CMYA5: variants seen among roughly 807,000 people sequenced by gnomAD.
CMYA5 encodes cardiomyopathy associated 5.
CMYA5 carries 246 observed loss-of-function variants against 318.9 expected under a neutral mutation model. The ratio of observed to expected loss-of-function variants is 0.77; its 90% confidence interval spans 0.70 to 0.86. The LOEUF (loss-of-function observed/expected upper bound fraction) is 0.86, where lower values mean the gene tolerates loss of function less well. Among genes scored for constraint, CMYA5 ranks in the 40% least tolerant of loss-of-function variants. The pLI, the probability that CMYA5 is intolerant of heterozygous loss-of-function variation, is 0.00. For synonymous variants in CMYA5, 1,641 were observed against 1,729.5 expected (o/e 0.95, Z 1.27); for missense variants, 4,589 against 4,678.2 (o/e 0.98, Z 0.56).
intron 9 of CMYA5, among the ~76,000 whole-genome samples, chr5:79,776,832 A>G (rs1413589949): frequency 6.7e-6 from 1 of 149,640 alleles, no homozygotes; most frequent in Non-Finnish European, 1.5e-5. Flanking sequence ...CAGTGACGAC[A>G]CTAACTGTAG....
chr5:79,786,024 C>A (rs138312769), intron 9 of CMYA5, among the ~76,000 whole-genome samples: 138 of 152,332 alleles, frequency 9.1e-4, no homozygotes, highest in African/African-American at 3.2e-3. Flanking sequence ...AAGAGACCAT[C>A]TCTCATTCGC....
At chr5:79,772,092 A>G (rs144897505) in intron 9 of CMYA5, among the ~76,000 whole-genome samples, 19 of 152,208 alleles carry the variant, frequency 1.2e-4, no homozygotes, top group African/African-American at 4.6e-4. Flanking sequence ...TGCGAAAGCC[A>G]GAGAAACCAA....
Position 79,774,691 on chromosome 5 carries a change from G to T in CMYA5, c.11555+11482G>T, listed in dbSNP as rs547868996. Among the ~76,000 whole-genome samples the T allele has an allele frequency of 2.6e-5, 4 of 152,288 alleles. No homozygotes were observed. In the South Asian group the frequency reaches 8.3e-4, roughly 32 times the overall value. Reference sequence around the variant, plus strand: ...CAGGGCAAGCATTTCCAGGGAGTTGGGCTCAGGGTGCTGGGCCTGTGAGCT... The same window carrying T: ...CAGGGCAAGCATTTCCAGGGAGTTGTGCTCAGGGTGCTGGGCCTGTGAGCT... On this transcript the variant is annotated intron_variant, in intron 9 of 12. Coordinates refer to ENST00000446378, the MANE Select transcript of CMYA5 (RefSeq NM_153610.5).
In CMYA5 at chr5:79,746,084, A is replaced by C. The variant is rs141140609; in HGVS notation, c.10968+629A>C. Among the ~76,000 whole-genome samples, 75 of 152,264 alleles carry C rather than the reference A, an allele frequency of 4.9e-4. No individual in the cohort carries two copies. In the East Asian group the frequency reaches 0.014, roughly 29 times the overall value. ...CAGAGACACCTCTGTGCTCCCTGCA[A>C]TTCCCTAGAATATTCAGTGAGATGC... On this transcript the variant is annotated intron_variant, in intron 4 of 12. Transcript: ENST00000446378.
In CMYA5 at chr5:79,752,753, A is replaced by C; in HGVS notation, c.11069A>C (p.Asp3690Ala). The change falls in exon 6 of 13, where the codon GAC becomes GCC. Residue 3690 changes from aspartate to alanine, a missense_variant. Physicochemically the swap from Asp to Ala is moderately radical, Grantham distance 126. Around this residue, in one of 3 missense-constraint regions of CMYA5, gnomAD observed 2,431 missense variants for 2,495.1 expected, o/e 0.97. Coordinates refer to ENST00000446378, the MANE Select transcript of CMYA5 (RefSeq NM_153610.5). ...AAFSLFEHYD[D>A]SSARSDQMLK... ...TTTTCCCTTTTCGAACATTATGATG[A>C]CAGCTCGGCAAGAAGTGACCAGATG... 1 of 1,613,756 alleles carries C rather than the reference A, an allele frequency of 6.2e-7. No individual in the cohort carries two copies. The highest frequency in any genetic ancestry group is 8.5e-7 in the Non-Finnish European group (1 of 1,179,690).
intron 9 of CMYA5, chr5:79,774,344 CCTT>C (rs1309267480): frequency 2.0e-5 from 3 of 152,218 alleles, no homozygotes; most frequent in Non-Finnish European, 4.4e-5. Context: ...CTCCTACTCA[CCTT>C]CTTCCTGTTT....
At chr5:79,784,872 C>T (rs1285194527) in intron 9 of CMYA5, among the ~76,000 whole-genome samples, 3 of 151,768 alleles carry the variant, frequency 2.0e-5, no homozygotes, top group African/African-American at 2.4e-5. Context: ...AGAAATCACC[C>T]GTCTTCTGCG....
At chr5:79,728,733 C>T (rs910869458) in intron 1 of CMYA5, among the ~76,000 whole-genome samples, 182 bp from the exon 2 acceptor site, 1 of 151,974 alleles carries the variant, frequency 6.6e-6, no homozygotes, top group Admixed American at 6.6e-5. Context: ...TATTGGGTAT[C>T]CTGACTTTGG....
At chr5:79,722,969 C>T (rs886269396) in intron 1 of CMYA5, among the ~76,000 whole-genome samples, 1 of 152,066 alleles carries the variant, frequency 6.6e-6, no homozygotes, top group Non-Finnish European at 1.5e-5. Context: ...AAAAACCTTA[C>T]CACGAAAAGG....
At chr5:79,790,396 A>T (rs1173622663) in intron 10 of CMYA5, among the ~76,000 whole-genome samples, 2 of 151,918 alleles carry the variant, frequency 1.3e-5, no homozygotes, top group Non-Finnish European at 2.9e-5. Context: ...CAGCCTCCTG[A>T]GTAGCTGGGA....
At position 79,785,053 on chromosome 5, in the gene CMYA5, C is replaced by A. The variant is rs554374386; in HGVS notation, c.11556-3918C>A. Among the ~76,000 whole-genome samples, 8 of 150,780 alleles carry A rather than the reference C, an allele frequency of 5.3e-5. 1 individual carries two copies. The South Asian group carries it at 1.5e-3, about 28-fold the overall frequency. The stretch of plus-strand genomic sequence containing the variant: ...TTTTTTAGTATGGCTATCTAGCTGT[C>A]CCATCAGGAAAACCCATCATTTTCC... On this transcript the variant is annotated intron_variant, in intron 9 of 12. Coordinates refer to ENST00000446378, the MANE Select transcript of CMYA5 (RefSeq NM_153610.5).
rs193031541 is a variant in CMYA5, at chr5:79,757,132, T to C, written c.11111-1621T>C. On this transcript the variant is annotated intron_variant, in intron 6 of 12. Transcript: ENST00000446378. Reference sequence around the variant, plus strand: ...ATTGATTGAACCCAGGAGGTGGAGGTTGCAGTGAGCTGAGATTGCACCACT... The same window carrying C: ...ATTGATTGAACCCAGGAGGTGGAGGCTGCAGTGAGCTGAGATTGCACCACT... Among the ~76,000 whole-genome samples the C allele has an allele frequency of 6.7e-3, 1,013 of 150,614 alleles. 4 individuals are homozygous for C. Among genetic ancestry groups the C allele is most frequent in the Middle Eastern group, 0.014 (4 of 294 alleles).
intron 9 of CMYA5, among the ~76,000 whole-genome samples, chr5:79,764,836 G>T (rs182759034): frequency 5.0e-4 from 76 of 151,648 alleles, no homozygotes; most frequent in Non-Finnish European, 9.3e-4. Context: ...TTTTTGATGG[G>T]GTTTTTTTTT....
chr5:79,739,473 C>A, intron 2 of CMYA5, 70 bp downstream of exon 2: 2 of 1,162,592 alleles, frequency 1.7e-6, no homozygotes, highest in South Asian at 2.1e-5. Flanking sequence ...TACATTTTCT[C>A]AATTTTAAAG....
At chr5:79,771,686 C>T (rs1374493221) in intron 9 of CMYA5, among the ~76,000 whole-genome samples, 1 of 152,190 alleles carries the variant, frequency 6.6e-6, no homozygotes, top group Non-Finnish European at 1.5e-5. Flanking sequence ...TCTGAGTGAA[C>T]CTTCTCAGCA....
intron 9 of CMYA5, among the ~76,000 whole-genome samples, chr5:79,786,734 A>T (rs182486942): frequency 1.1e-3 from 171 of 152,352 alleles, no homozygotes; most frequent in African/African-American, 4.0e-3. Context: ...GACTTTGGTG[A>T]CATCTGAGTG....
Position 79,733,659 on chromosome 5 carries a change from T to G in CMYA5, c.4894T>G (p.Leu1632Val). 6.2e-7 allele frequency: 1 copy of G among 1,613,846 alleles called. No individual in the cohort carries two copies. Among genetic ancestry groups the G allele is most frequent in the Non-Finnish European group, 8.5e-7 (1 of 1,179,826 alleles). The change falls in exon 2 of 13, where the codon TTG (leucine) becomes GTG (valine). Residue 1632 changes from leucine to valine, a missense_variant. Around this residue, in one of 3 missense-constraint regions of CMYA5, gnomAD observed 2,132 missense variants for 2,131.3 expected, o/e 1.00. Coordinates refer to ENST00000446378, the MANE Select transcript of CMYA5 (RefSeq NM_153610.5). ...PEKKDKPHQP[L>V]ELPNAGSEFS... is the part of the protein sequence containing the mutation. The stretch of plus-strand genomic sequence containing the variant: ...GAAGAAAGACAAGCCACACCAACCG[T>G]TGGAATTACCAAATGCTGGGTCAGA...
Position 79,731,496 on chromosome 5 carries a change from C to T in CMYA5, c.2731C>T (p.Pro911Ser), listed in dbSNP as rs1827900504. 1 of 1,605,362 alleles carries T rather than the reference C, an allele frequency of 6.2e-7. No homozygotes were observed. The highest frequency in any genetic ancestry group is 8.5e-7 in the Non-Finnish European group (1 of 1,175,676). ...SEFSVPPYATPEAQEEEIVHR... is the reference protein window; with the variant it reads ...SEFSVPPYATSEAQEEEIVHR... ...ATTTTCAGTACCACCATATGCAACA[C>T]CGGAGGCACAGGAGGAAGAAATTGT... Residue 911 changes from proline to serine, a missense_variant, in exon 2 of 13, where the codon CCG (proline) becomes TCG (serine). Pro to Ser is a moderately conservative substitution (Grantham distance 74, BLOSUM62 -1). Around this residue, in one of 3 missense-constraint regions of CMYA5, gnomAD observed 2,132 missense variants for 2,131.3 expected, o/e 1.00. Transcript: ENST00000446378.
chr5:79,711,130 T>C (rs2151078333), intron 1 of CMYA5, among the ~76,000 whole-genome samples: 1 of 152,158 alleles, frequency 6.6e-6, no homozygotes, highest in Middle Eastern at 3.4e-3. Context: ...CTCTTTGTTT[T>C]TTCCCCCTGT....
Sources: gnomAD v4.1 joint callset for allele counts (sites outside exome capture counted in the v4.1 genomes callset) on GRCh38, gnomAD v4.1.1 for gene constraint, gnomAD v4.1.1 regional missense constraint, MANE v1.5 for transcripts, NCBI Gene and HGNC (gene_info 2026-07-23, HGNC 2026-07-21) for gene names.